Variants in RASSF5 observed in about 807,000 individuals in gnomAD.
RASSF5 encodes ras association domain-containing protein 5.
Under a neutral mutation model 40.5 loss-of-function variants are expected in RASSF5, and 25 were observed. That is an observed-to-expected ratio of 0.62 (90% CI 0.45 to 0.86). RASSF5 has a LOEUF of 0.86. Among genes scored for constraint, RASSF5 ranks in the 40% least tolerant of loss-of-function variants. The probability of loss-of-function intolerance (pLI) is 0.00; values close to 1 mark genes in which losing one functional copy is unlikely to be tolerated. For synonymous variants in RASSF5, 246 were observed against 252.4 expected (o/e 0.97, Z 0.24); for missense variants, 521 against 572.8 (o/e 0.91, Z 0.92).
rs374029482 is a variant in RASSF5 at position 206,535,978 on chromosome 1, G to A, written c.458-2194G>A. 8.6e-5 allele frequency among the ~76,000 whole-genome samples: 13 copies of A among 152,032 alleles called. No individual in the cohort carries two copies. The highest frequency in any genetic ancestry group is 2.7e-4 in the African/African-American group (11 of 41,444). ...TGGCATCCTCAGAGCATTCTTCATC[G>A]CTCAGAGCTCTACCAGAGCCATACA... On this transcript the variant is annotated intron_variant, in intron 1 of 5. Transcript: ENST00000579436. This position sits in a 1 kb window ranked among gnomAD's most constrained non-coding sequence, Gnocchi z 5.0.
At chr1:206,578,001 T>C (rs1668718233) in intron 2 of RASSF5, among the ~76,000 whole-genome samples, 2 of 152,086 alleles carry the variant, frequency 1.3e-5, no homozygotes, top group South Asian at 4.1e-4. Flanking sequence ...AGTGAGAGTA[T>C]TGCTTGAGGC....
chr1:206,511,722 C>T (rs1337139722), intron 1 of RASSF5, among the ~76,000 whole-genome samples: 3 of 152,108 alleles, frequency 2.0e-5, no homozygotes, highest in East Asian at 3.9e-4. Flanking sequence ...GGAAGGGCAC[C>T]GGGACTATTC....
At chr1:206,512,294 T>C (rs944770) in intron 1 of RASSF5, among the ~76,000 whole-genome samples, 148,291 of 152,214 alleles carry the variant, frequency 0.97, 72,249 homozygotes, top group East Asian at 1. Flanking sequence ...CTTCTGAGCT[T>C]CCCACGCTGC....
chr1:206,585,511 G>C (rs1572375595), intron 5 of RASSF5: 2 of 418,186 alleles, frequency 4.8e-6, no homozygotes, highest in East Asian at 7.3e-5. Context: ...GCCTGTGTGT[G>C]GCAAGGCCTG....
At chr1:206,517,698 G>C (rs1399556690) in intron 1 of RASSF5, among the ~76,000 whole-genome samples, 7 of 152,208 alleles carry the variant, frequency 4.6e-5, no homozygotes, top group African/African-American at 1.7e-4. Flanking sequence ...CTGGGAGTCA[G>C]AGTGAGAGAA....
chr1:206,512,093 GT>G (rs1666633156), intron 1 of RASSF5, among the ~76,000 whole-genome samples: 1 of 152,134 alleles, frequency 6.6e-6, no homozygotes, highest in Non-Finnish European at 1.5e-5. Context: ...TTAGCCCCGT[GT>G]TTGGCTTTAG....
rs1483215532 is a variant in RASSF5, at chr1:206,508,072, G to A, written c.457+13G>A. 4 of 1,371,552 alleles carry A rather than the reference G, an allele frequency of 2.9e-6. No individual in the cohort carries two copies. Among genetic ancestry groups the A allele is most frequent in the Non-Finnish European group, 3.8e-6 (4 of 1,062,686 alleles). 85.0% of individuals were successfully genotyped at this position (1,371,552 alleles called of 1,614,324 possible). A position where few individuals can be genotyped will look rare whatever the true frequency, so the allele number is the denominator to read the frequency against. ...CTGCGCTGCACTAGTAAGTGTGAAG[G>A]CAGGGGAGGGGCGTGCGGGGAGACC... On this transcript the variant is annotated intron_variant, in intron 1 of 5. Coordinates refer to ENST00000579436, the MANE Select transcript of RASSF5 (RefSeq NM_182663.4).
At chr1:206,586,751 G>T in intron 5 of RASSF5, 75 bp from the exon 6 acceptor site, 2 of 1,123,306 alleles carry the variant, frequency 1.8e-6, no homozygotes, top group Non-Finnish European at 2.6e-6. Context: ...AGGCAGCAGG[G>T]TCTCTCAGGT....
Position 206,521,730 on chromosome 1 carries a change from T to C in RASSF5, c.457+13671T>C, listed in dbSNP as rs1666914261. 2.0e-5 allele frequency among the ~76,000 whole-genome samples: 3 copies of C among 152,290 alleles called. No homozygotes were observed. In the South Asian group the frequency reaches 6.2e-4, roughly 32 times the overall value. ...AACAAAAACAACCCTCCCCTTCTCT[T>C]TCCGTATGTGCCCCTCACTTCTAGA... is the stretch of plus-strand genomic sequence containing the variant. On this transcript the variant is annotated intron_variant, in intron 1 of 5. Coordinates refer to ENST00000579436, the MANE Select transcript of RASSF5 (RefSeq NM_182663.4).
intron 2 of RASSF5, among the ~76,000 whole-genome samples, chr1:206,572,890 CT>C: frequency 6.6e-6 from 1 of 152,218 alleles, no homozygotes; most frequent in South Asian, 2.1e-4. Context: ...ATAATGTGGC[CT>C]TGGCTGAAGG....
At chr1:206,575,384 T>C (rs567191009) in intron 2 of RASSF5, among the ~76,000 whole-genome samples, 26 of 152,344 alleles carry the variant, frequency 1.7e-4, no homozygotes, top group African/African-American at 6.0e-4. Context: ...CAAAGGCTCA[T>C]GGTGAATGGC....
In RASSF5 at chr1:206,535,552, G is replaced by T. The variant is rs781958216; in HGVS notation, c.458-2620G>T. ...GAAGATGTGCTTCAGAGGTTTTGCT[G>T]CAGCCTGTGATTACATGGTCCGATG... On this transcript the variant is annotated intron_variant, in intron 1 of 5. Coordinates refer to ENST00000579436, the MANE Select transcript of RASSF5 (RefSeq NM_182663.4). This position sits in a 1 kb window ranked among gnomAD's most constrained non-coding sequence, Gnocchi z 5.0. 6.6e-6 allele frequency among the ~76,000 whole-genome samples: 1 copy of T among 152,184 alleles called. No homozygotes were observed. The highest frequency in any genetic ancestry group is 1.5e-5 in the Non-Finnish European group (1 of 68,028).
chr1:206,508,009 G>A lies in RASSF5; in HGVS notation c.407G>A (p.Trp136Ter). 1.3e-6 allele frequency: 2 copies of A among 1,487,534 alleles called. No homozygotes were observed. The highest frequency in any genetic ancestry group is 1.3e-5 in the South Asian group (1 of 76,016). The allele number at this position is 1,487,534 out of a possible 1,614,324, so 92.1% of individuals were successfully genotyped here. A position where few individuals can be genotyped will look rare whatever the true frequency, so the allele number is the denominator to read the frequency against. The stretch of plus-strand genomic sequence containing the variant: ...TTGGTGCTGCCGGGCGGCCCCGGCT[G>A]GTGTGACCTGTGCGGACGAGAGGTG... ...AELVLPGGPG[W>*]CDLCGREVLR... Residue 136 changes from tryptophan to a stop codon, truncating the protein, a stop_gained, in exon 1 of 6, where the codon TGG (tryptophan) becomes TAG (stop). Coordinates refer to ENST00000579436, the MANE Select transcript of RASSF5 (RefSeq NM_182663.4). LOFTEE classifies it high-confidence loss of function.
chr1:206,562,055 T>C (rs1363922262), intron 2 of RASSF5, among the ~76,000 whole-genome samples: 2 of 152,158 alleles, frequency 1.3e-5, no homozygotes, highest in South Asian at 2.1e-4. Context: ...AGTGACACCA[T>C]TGAATTCTTT....
chr1:206,583,203 G>C, intron 2 of RASSF5, 66 bp from the exon 3 acceptor site: 1 of 1,048,280 alleles, frequency 9.5e-7, no homozygotes, highest in South Asian at 1.3e-5. Flanking sequence ...TGGGGAGGGC[G>C]TGGTTGTTCC....
chr1:206,521,790 G>A lies in RASSF5; in HGVS notation c.457+13731G>A, dbSNP rs140909630. Among the ~76,000 whole-genome samples the A allele has an allele frequency of 1.1e-4, 16 of 152,264 alleles. No individual in the cohort carries two copies. In the East Asian group the frequency reaches 2.3e-3, roughly 22 times the overall value. ...CTTTGTCAGCTACCCAGGGTCCTCC[G>A]TCTGTCTTCTCAGGGGCCCAGGGAT... On this transcript the variant is annotated intron_variant, in intron 1 of 5. Coordinates refer to ENST00000579436, the MANE Select transcript of RASSF5 (RefSeq NM_182663.4).
At chr1:206,540,478 C>T (rs1667517332) in intron 2 of RASSF5, among the ~76,000 whole-genome samples, 1 of 152,256 alleles carries the variant, frequency 6.6e-6, no homozygotes, top group Non-Finnish European at 1.5e-5. Context: ...GCCAAGAACC[C>T]CGCGTGGGAG....
At chr1:206,563,342 A>G (rs1236072300) in intron 2 of RASSF5, among the ~76,000 whole-genome samples, 1 of 152,322 alleles carries the variant, frequency 6.6e-6, no homozygotes, top group East Asian at 1.9e-4. Context: ...AGCTCTGCTC[A>G]TAACTGCTTG....
chr1:206,523,691 T>C (rs1248469361), intron 1 of RASSF5, among the ~76,000 whole-genome samples: 5 of 85,826 alleles, frequency 5.8e-5, no homozygotes, highest in African/African-American at 2.0e-4. Context: ...AAATATATTA[T>C]ATATAATATA....
Sources: gnomAD v4.1 joint callset for allele counts (sites outside exome capture counted in the v4.1 genomes callset) on GRCh38, gnomAD v4.1.1 for gene constraint, Gnocchi (gnomAD v3.1) non-coding constraint, MANE v1.5 for transcripts, NCBI Gene and HGNC (gene_info 2026-07-23, HGNC 2026-07-21) for gene names.